The following TRDN variants were observed in gnomAD, a reference collection of about 807,000 sequenced individuals.
The protein encoded by TRDN is triadin in skeletal muscle.
TRDN carries 161 observed loss-of-function variants against 149.7 expected under a neutral mutation model. The observed-to-expected ratio is 1.08, with a 90% CI of 0.95 to 1.23. The LOEUF (loss-of-function observed/expected upper bound fraction) is 1.23, where lower values mean the gene tolerates loss of function less well. TRDN is among the 50% of genes most tolerant of loss of function. TRDN has a pLI of 0.00. For synonymous variants in TRDN, 294 were observed against 250.5 expected (o/e 1.17, Z -1.64); for missense variants, 896 against 823.5 (o/e 1.09, Z -1.08).
At chr6:123,222,975 T>C (rs1416049080) in intron 39 of TRDN, among the ~76,000 whole-genome samples, 3 of 151,834 alleles carry the variant, frequency 2.0e-5, no homozygotes, top group African/African-American at 7.2e-5. Flanking sequence ...AGCATGGCTA[T>C]TATGAAAAAG....
intron 12 of TRDN, among the ~76,000 whole-genome samples, chr6:123,416,026 C>A (rs1773635521): frequency 6.6e-6 from 1 of 152,052 alleles, no homozygotes; most frequent in South Asian, 2.1e-4. Context: ...GTATGACGTT[C>A]ACAACTACGA....
intron 32 of TRDN, among the ~76,000 whole-genome samples, chr6:123,266,539 TTATAA>T (rs1776991759): frequency 1.8e-5 from 1 of 55,306 alleles, no homozygotes; most frequent in Non-Finnish European, 2.8e-5. Context: ...AATATATATA[TTATAA>T]TATGTATTAT....
intron 10 of TRDN, among the ~76,000 whole-genome samples, chr6:123,460,728 C>T (rs964068277): frequency 9.2e-5 from 14 of 151,888 alleles, no homozygotes; most frequent in African/African-American, 3.4e-4. Flanking sequence ...GTAAATAAAA[C>T]CTTACTAGCT....
intron 19 of TRDN, among the ~76,000 whole-genome samples, chr6:123,373,992 T>C (rs1251729527): frequency 1.3e-5 from 2 of 152,178 alleles, no homozygotes; most frequent in African/African-American, 2.4e-5. Flanking sequence ...AAAATACATT[T>C]TTAGTTGGGA....
intron 9 of TRDN, among the ~76,000 whole-genome samples, chr6:123,479,738 G>C (rs1187148717): frequency 1.3e-5 from 2 of 151,938 alleles, no homozygotes; most frequent in African/African-American, 4.8e-5. Context: ...CAAAACATAA[G>C]ATACAATTTT....
chr6:123,272,860 T>C (rs913197631), intron 29 of TRDN, 104 bp downstream of exon 29: 86 of 864,482 alleles, frequency 9.9e-5, no homozygotes, highest in Middle Eastern at 2.3e-4. Context: ...ACTTAAGACA[T>C]GAATTGTCCC....
chr6:123,614,274 G>A (rs1196410106), intron 1 of TRDN, among the ~76,000 whole-genome samples: 1 of 137,972 alleles, frequency 7.2e-6, no homozygotes, highest in Admixed American at 7.3e-5. Context: ...TGTTACCGTG[G>A]GAAAGTGCTT....
chr6:123,306,535 T>A (rs182244360), intron 24 of TRDN, among the ~76,000 whole-genome samples: 6 of 152,208 alleles, frequency 3.9e-5, no homozygotes, highest in Admixed American at 6.6e-5. Context: ...AAGAATGTAA[T>A]TCTCTGCACA....
chr6:123,541,048 A>C (rs1441334137), intron 4 of TRDN, among the ~76,000 whole-genome samples: 2 of 152,210 alleles, frequency 1.3e-5, no homozygotes, highest in Non-Finnish European at 2.9e-5. Context: ...TGAAACAGGA[A>C]ACATACAGAA....
At chr6:123,311,917 G>A (rs1281304579) in intron 24 of TRDN, among the ~76,000 whole-genome samples, 1 of 151,892 alleles carries the variant, frequency 6.6e-6, no homozygotes, top group Admixed American at 6.6e-5. Context: ...GGGAGGTGAA[G>A]GATTTCAACA....
intron 5 of TRDN, among the ~76,000 whole-genome samples, chr6:123,530,048 A>G (rs997251852): frequency 6.6e-6 from 1 of 151,934 alleles, no homozygotes; most frequent in Admixed American, 6.6e-5. Context: ...TGTGCAGGAG[A>G]GCCGTGGGGC....
At position 123,381,355 on chromosome 6, in the gene TRDN, C is replaced by A; in HGVS notation, c.1186+15G>T. ...AAAAAAAAAGTACACAAATACACTG[C>A]ATGCATTTCCTTACTTTTTCCCTTG... is the stretch of plus-strand genomic sequence containing the variant. On this transcript the variant is annotated intron_variant, in intron 16 of 40. Transcript: ENST00000334268. 6.4e-7 allele frequency: 1 copy of A among 1,552,284 alleles called. No individual in the cohort carries two copies. Among genetic ancestry groups the A allele is most frequent in the Non-Finnish European group, 8.7e-7 (1 of 1,146,296 alleles).
intron 23 of TRDN, among the ~76,000 whole-genome samples, chr6:123,322,147 A>G (rs1779264846): frequency 6.6e-6 from 1 of 152,118 alleles, no homozygotes; most frequent in Non-Finnish European, 1.5e-5. Context: ...TATCTTTCTG[A>G]ATTAGTATCA....
At chr6:123,444,061 T>G (rs1775123375) in intron 10 of TRDN, among the ~76,000 whole-genome samples, 1 of 149,366 alleles carries the variant, frequency 6.7e-6, no homozygotes, top group African/African-American at 2.5e-5. Context: ...GTGAAGAAAG[T>G]CATTGGTAGC....
chr6:123,596,714 C>T (rs1159508193), intron 1 of TRDN, among the ~76,000 whole-genome samples: 1 of 152,070 alleles, frequency 6.6e-6, no homozygotes, highest in African/African-American at 2.4e-5. Flanking sequence ...TGTCTATGCT[C>T]TATCAGTGGA....
chr6:123,444,085 C>T (rs923842825), intron 10 of TRDN, among the ~76,000 whole-genome samples: 8 of 148,104 alleles, frequency 5.4e-5, no homozygotes, highest in Admixed American at 1.3e-4. Flanking sequence ...ATGGGGATGG[C>T]ATTGAATCTG....
intron 1 of TRDN, among the ~76,000 whole-genome samples, chr6:123,593,635 G>A (rs1002844514): frequency 6.6e-6 from 1 of 152,130 alleles, no homozygotes; most frequent in Non-Finnish European, 1.5e-5. Flanking sequence ...CTTCCTCTAT[G>A]TGTTTCTGTC....
At chr6:123,593,474 C>G (rs1249333180) in intron 1 of TRDN, among the ~76,000 whole-genome samples, 1 of 152,198 alleles carries the variant, frequency 6.6e-6, no homozygotes, top group Non-Finnish European at 1.5e-5. Context: ...GACTTACACA[C>G]AACACAAATG....
At chr6:123,457,480 G>A in intron 10 of TRDN, 1 of 361,136 alleles carries the variant, frequency 2.8e-6, no homozygotes, top group Non-Finnish European at 5.3e-6. Flanking sequence ...TGTAAGTTTA[G>A]AGATACAAGT....
Sources: gnomAD v4.1 joint callset for allele counts (sites outside exome capture counted in the v4.1 genomes callset) on GRCh38, gnomAD v4.1.1 for gene constraint, MANE v1.5 for transcripts, NCBI Gene and HGNC (gene_info 2026-07-23, HGNC 2026-07-21) for gene names.